The following SPAG16 variants were observed in gnomAD, a reference collection of about 807,000 sequenced individuals.
The protein encoded by SPAG16 is sperm-associated antigen 16 protein.
SPAG16 carries 86 observed loss-of-function variants against 80.4 expected under a neutral mutation model. That is an observed-to-expected ratio of 1.07 (90% CI 0.90 to 1.28). SPAG16 has a LOEUF of 1.28. Ranked by LOEUF, SPAG16 falls within the 50% of genes most tolerant of loss-of-function variation. The pLI is 0.00. For synonymous variants in SPAG16, 294 were observed against 265.9 expected, an observed-to-expected ratio of 1.11 and a Z score of -1.03; for missense variants, 870 against 765.3, an observed-to-expected ratio of 1.14 and a Z score of -1.61.
At chr2:214,362,721 G>A (rs1179648420) in intron 15 of SPAG16, among the ~76,000 whole-genome samples, 1 of 151,832 alleles carries the variant, frequency 6.6e-6, no homozygotes, top group Non-Finnish European at 1.5e-5. Flanking sequence ...ACCAAGCATA[G>A]TTCCAAGTTC....
intron 3 of SPAG16, among the ~76,000 whole-genome samples, chr2:213,301,098 A>G (rs1224370662): frequency 2.6e-5 from 4 of 152,166 alleles, no homozygotes. Context: ...ATCAACCTAT[A>G]CCATTATGTT....
At chr2:214,409,028 T>A (rs1036038711) in intron 15 of SPAG16, among the ~76,000 whole-genome samples, 14 of 151,414 alleles carry the variant, frequency 9.2e-5, no homozygotes, top group Non-Finnish European at 2.1e-4. Context: ...TAGTTAATAC[T>A]GTTAGTACTA....
chr2:213,519,145 C>T (rs1240980957), intron 10 of SPAG16, among the ~76,000 whole-genome samples: 1 of 152,154 alleles, frequency 6.6e-6, no homozygotes, highest in African/African-American at 2.4e-5. Flanking sequence ...AAGTAACAAA[C>T]TTGTACTTGT....
At chr2:213,598,475 G>A (rs1276951895) in intron 10 of SPAG16, among the ~76,000 whole-genome samples, 2 of 152,186 alleles carry the variant, frequency 1.3e-5, no homozygotes, top group African/African-American at 2.4e-5. Context: ...CTTCATTAGA[G>A]TGTAAAATTT....
intron 8 of SPAG16, among the ~76,000 whole-genome samples, chr2:213,374,103 T>C (rs2066773875): frequency 6.6e-6 from 1 of 152,180 alleles, no homozygotes; most frequent in Non-Finnish European, 1.5e-5. Context: ...TTATGGAACA[T>C]TTTTTAACGT....
chr2:213,512,841 T>C (rs571785708), intron 10 of SPAG16, among the ~76,000 whole-genome samples: 2 of 152,298 alleles, frequency 1.3e-5, no homozygotes, highest in African/African-American at 4.8e-5. Context: ...TGAAAGAGAC[T>C]GCCAACAATC....
chr2:213,743,691 T>C (rs769119934), intron 10 of SPAG16, among the ~76,000 whole-genome samples: 6 of 152,190 alleles, frequency 3.9e-5, no homozygotes, highest in Admixed American at 3.9e-4. Flanking sequence ...TTTCACATTC[T>C]ATACTCTTCA....
chr2:213,876,913 T>C (rs1376092748), intron 11 of SPAG16, among the ~76,000 whole-genome samples: 1 of 152,196 alleles, frequency 6.6e-6, no homozygotes, highest in African/African-American at 2.4e-5. Flanking sequence ...AAATTATTTA[T>C]TTTGGTCTTC....
intron 9 of SPAG16, among the ~76,000 whole-genome samples, chr2:213,389,159 A>C (rs949540767): frequency 1.3e-5 from 2 of 152,174 alleles, no homozygotes; most frequent in Non-Finnish European, 2.9e-5. Context: ...AAGACCAATC[A>C]ATGGGGAAAG....
chr2:214,157,815 A>G (rs1278842093), intron 15 of SPAG16, among the ~76,000 whole-genome samples: 2 of 152,142 alleles, frequency 1.3e-5, no homozygotes, highest in Non-Finnish European at 2.9e-5. Context: ...CCTTTCTGAT[A>G]TCAGGCTTGA....
intron 15 of SPAG16, among the ~76,000 whole-genome samples, chr2:214,316,645 A>G (rs1695716679): frequency 6.6e-6 from 1 of 152,212 alleles, no homozygotes; most frequent in Non-Finnish European, 1.5e-5. Context: ...TATTTTCTAT[A>G]TTAAATTCTA....
At chr2:213,849,837 C>A (rs916518172) in intron 10 of SPAG16, among the ~76,000 whole-genome samples, 20 of 152,088 alleles carry the variant, frequency 1.3e-4, no homozygotes, top group Admixed American at 5.2e-4. Flanking sequence ...CATAACAACA[C>A]AAAATTCTTA....
intron 14 of SPAG16, among the ~76,000 whole-genome samples, chr2:214,138,529 G>A (rs187576802): frequency 1.5e-3 from 233 of 152,090 alleles, no homozygotes; most frequent in African/African-American, 5.0e-3. Context: ...TACCAATTTG[G>A]CATATTTGAG....
intron 15 of SPAG16, among the ~76,000 whole-genome samples, chr2:214,206,572 C>T (rs1206420401): frequency 6.6e-6 from 1 of 152,148 alleles, no homozygotes; most frequent in Non-Finnish European, 1.5e-5. Flanking sequence ...AATAATGCTG[C>T]AGTAAACATG....
chr2:213,966,331 T>A (rs559704155), intron 12 of SPAG16, among the ~76,000 whole-genome samples: 135 of 152,330 alleles, frequency 8.9e-4, no homozygotes, highest in African/African-American at 3.2e-3. Flanking sequence ...ATTCCCTTTG[T>A]ATAATTTTCT....
At chr2:213,662,117 T>G (rs543882382) in intron 10 of SPAG16, among the ~76,000 whole-genome samples, 2 of 151,238 alleles carry the variant, frequency 1.3e-5, no homozygotes, top group Admixed American at 6.6e-5. Context: ...GGTTTAGTTG[T>G]GAACAAATGG....
At chr2:213,289,994 T>C (rs2062205134) in intron 1 of SPAG16, among the ~76,000 whole-genome samples, 1 of 152,222 alleles carries the variant, frequency 6.6e-6, no homozygotes, top group Non-Finnish European at 1.5e-5. Context: ...TCATACCAAT[T>C]GGCACCTCAA....
At chr2:214,174,154 C>T (rs1353394075) in intron 15 of SPAG16, among the ~76,000 whole-genome samples, 2 of 152,014 alleles carry the variant, frequency 1.3e-5, no homozygotes, top group Non-Finnish European at 2.9e-5. Flanking sequence ...GAAGCATTCC[C>T]TTTGAAAACT....
chr2:213,877,378 TG>T lies in SPAG16; in HGVS notation c.1214+14752del, dbSNP rs1343794303. ...AGTCAGGAGTGTGGTGGTGTGATCT[TG>T]GCTCACTACAGCCTCAACCTCCCAA... On this transcript the variant is annotated intron_variant, in intron 11 of 15. Coordinates refer to ENST00000331683, the MANE Select transcript of SPAG16 (RefSeq NM_024532.5). 3.9e-5 allele frequency among the ~76,000 whole-genome samples: 6 copies of T among 152,212 alleles called. No individual in the cohort carries two copies. The East Asian group carries it at 1.2e-3, about 29-fold the overall frequency.
Sources: gnomAD v4.1 joint callset for allele counts (sites outside exome capture counted in the v4.1 genomes callset) on GRCh38, gnomAD v4.1.1 for gene constraint, MANE v1.5 for transcripts, NCBI Gene and HGNC (gene_info 2026-07-23, HGNC 2026-07-21) for gene names.